Variants in HERC1 observed in about 807,000 individuals in gnomAD.
HERC1 encodes probable E3 ubiquitin-protein ligase HERC1.
A neutral mutation model predicts 554.3 loss-of-function variants in HERC1; 160 were observed. The ratio of observed to expected loss-of-function variants is 0.29; its 90% CI spans 0.25 to 0.33. The LOEUF (loss-of-function observed/expected upper bound fraction) is 0.33, where lower values mean the gene tolerates loss of function less well. Among genes scored for constraint, HERC1 ranks in the 10% least tolerant of loss-of-function variants. The pLI is 1.00. For synonymous variants in HERC1, 2,175 were observed against 2,131.7 expected, an observed-to-expected ratio of 1.02 and a Z score of -0.56; for missense variants, 4,919 against 5,918.5, an observed-to-expected ratio of 0.83 and a Z score of 5.54.
intron 45 of HERC1, among the ~76,000 whole-genome samples, chr15:63,661,532 G>C (rs1168261216): frequency 6.6e-6 from 1 of 152,202 alleles, no homozygotes; most frequent in Non-Finnish European, 1.5e-5. Context: ...ACAAGTCAGA[G>C]GTTAACACAG....
chr15:63,805,397 T>G (rs1447368500), intron 1 of HERC1, among the ~76,000 whole-genome samples: 2 of 152,158 alleles, frequency 1.3e-5, no homozygotes, highest in Non-Finnish European at 2.9e-5. Flanking sequence ...AAAGACTACA[T>G]AACTATGGTT....
chr15:63,724,779 T>C (rs1231205671), intron 18 of HERC1, among the ~76,000 whole-genome samples: 2 of 152,088 alleles, frequency 1.3e-5, no homozygotes, highest in Non-Finnish European at 2.9e-5. Flanking sequence ...CTGCCAGCAA[T>C]ATATACAAAT....
At chr15:63,725,213 T>C in intron 18 of HERC1, 79 bp downstream of exon 18, 4 of 1,270,196 alleles carry the variant, frequency 3.1e-6, no homozygotes, top group Non-Finnish European at 4.4e-6. Context: ...AGTTCTCTAT[T>C]TAGCAAATCA....
chr15:63,654,055 G>A, intron 51 of HERC1, 64 bp downstream of exon 51: 1 of 1,308,716 alleles, frequency 7.6e-7, no homozygotes. Flanking sequence ...AGCTCCTTGA[G>A]AAGAGAAGAG....
chr15:63,687,297 TGA>T (rs951352157), intron 33 of HERC1, among the ~76,000 whole-genome samples: 1 of 152,162 alleles, frequency 6.6e-6, no homozygotes, highest in Admixed American at 6.5e-5. Flanking sequence ...CCCAGCAATT[TGA>T]GAGACCGAAG....
At chr15:63,651,657 T>C (rs1196042245) in intron 52 of HERC1, among the ~76,000 whole-genome samples, 1 of 152,248 alleles carries the variant, frequency 6.6e-6, no homozygotes, top group Non-Finnish European at 1.5e-5. Flanking sequence ...GTTGTACAGA[T>C]GGTTATTATT....
intron 12 of HERC1, among the ~76,000 whole-genome samples, chr15:63,739,195 CTTT>C (rs1205943240): frequency 0.036 from 3,686 of 102,204 alleles, 175 homozygotes; most frequent in African/African-American, 0.13. Context: ...CACTAATATA[CTTT>C]TTTTTTTTTT....
chr15:63,769,155 C>A (rs145989988), intron 2 of HERC1, among the ~76,000 whole-genome samples: 1 of 152,194 alleles, frequency 6.6e-6, no homozygotes, highest in Non-Finnish European at 1.5e-5. Flanking sequence ...CAGTGGTTCA[C>A]GCCTGTAATC....
chr15:63,681,565 TG>T (rs2071481091), intron 34 of HERC1, among the ~76,000 whole-genome samples: 1 of 151,918 alleles, frequency 6.6e-6, no homozygotes, highest in African/African-American at 2.4e-5. Context: ...GGAATTTGAC[TG>T]GTAAAGTTTC....
intron 77 of HERC1, among the ~76,000 whole-genome samples, chr15:63,610,211 G>A (rs1349099177): frequency 6.6e-6 from 1 of 152,012 alleles, no homozygotes; most frequent in Non-Finnish European, 1.5e-5. Context: ...CCCACACCTA[G>A]GTAAGCCACA....
At chr15:63,639,679 TCA>T (rs533851689) in intron 61 of HERC1, among the ~76,000 whole-genome samples, 258 of 152,348 alleles carry the variant, frequency 1.7e-3, no homozygotes, top group African/African-American at 5.9e-3. Flanking sequence ...TTTATCTATG[TCA>T]CAGTTTCTAG....
At chr15:63,706,976 T>C (rs1019379500) in intron 24 of HERC1, 145 bp from the exon 25 acceptor site, 4 of 561,648 alleles carry the variant, frequency 7.1e-6, no homozygotes, top group Non-Finnish European at 1.2e-5. Flanking sequence ...AATAACAAAA[T>C]GTCCCTAAAA....
chr15:63,632,840 C>T (rs1015434499), intron 67 of HERC1, 29 bp from the exon 68 acceptor site: 2 of 1,433,868 alleles, frequency 1.4e-6, no homozygotes, highest in South Asian at 2.5e-5. Context: ...AGGCACACAA[C>T]TTTAAGAAGA....
chr15:63,771,188 C>CA (rs944901135), intron 2 of HERC1, among the ~76,000 whole-genome samples: 133 of 137,170 alleles, frequency 9.7e-4, no homozygotes, highest in East Asian at 1.1e-3. Flanking sequence ...AACTCTACCT[C>CA]AAAAAAAAAA....
intron 25 of HERC1, among the ~76,000 whole-genome samples, chr15:63,702,458 CT>C (rs1020409731): frequency 2.6e-5 from 4 of 152,166 alleles, no homozygotes; most frequent in Non-Finnish European, 5.9e-5. Context: ...ATTTCTGATG[CT>C]GCTTAAGTTG....
At chr15:63,676,869 T>A (rs1386832766) in intron 37 of HERC1, among the ~76,000 whole-genome samples, 1 of 152,230 alleles carries the variant, frequency 6.6e-6, no homozygotes, top group Non-Finnish European at 1.5e-5. Context: ...TTACATAATA[T>A]CACCAATAAA....
chr15:63,638,066 A>G (rs1393391946), intron 63 of HERC1, among the ~76,000 whole-genome samples: 1 of 152,174 alleles, frequency 6.6e-6, no homozygotes, highest in Non-Finnish European at 1.5e-5. Context: ...AGAAAAGGGG[A>G]GTGGTCGATA....
At chr15:63,752,513 T>G (rs2075284532) in intron 8 of HERC1, 1 of 153,602 alleles carries the variant, frequency 6.5e-6, no homozygotes, top group Non-Finnish European at 1.5e-5. Flanking sequence ...TATCCTAAGC[T>G]TGACTTCACA....
At position 63,718,471 on chromosome 15, in the gene HERC1, A is replaced by G. The variant is rs974343375; in HGVS notation, c.3978+103T>C. The stretch of plus-strand genomic sequence containing the variant: ...AAGAACTACTCAACATGTATTGAAC[A>G]TATGCAATAACCAAGGCACATTTTT... On this transcript the variant is annotated intron_variant, in intron 21 of 77. Transcript: ENST00000443617. The surrounding 1 kb of genome is among the most constrained non-coding windows in gnomAD (Gnocchi z 4.2). 5.5e-6 allele frequency: 6 copies of G among 1,091,292 alleles called. No homozygotes were observed. The highest frequency in any genetic ancestry group is 7.7e-6 in the Non-Finnish European group (6 of 777,432). The allele number at this position is 1,091,292 out of a possible 1,614,324, so 67.6% of individuals were successfully genotyped here. A position where few individuals can be genotyped will look rare whatever the true frequency, so the allele number is the denominator to read the frequency against.
Sources: gnomAD v4.1 joint callset for allele counts (sites outside exome capture counted in the v4.1 genomes callset) on GRCh38, gnomAD v4.1.1 for gene constraint, Gnocchi (gnomAD v3.1) non-coding constraint, MANE v1.5 for transcripts, NCBI Gene and HGNC (gene_info 2026-07-23, HGNC 2026-07-21) for gene names.